LTA: variants seen among roughly 807,000 people sequenced by gnomAD.
LTA encodes lymphotoxin alpha.
In LTA, 6 loss-of-function variants were observed where a neutral mutation model predicts 15.1. The ratio of observed to expected loss-of-function variants is 0.40; its 90% CI spans 0.22 to 0.78. The LOEUF (loss-of-function observed/expected upper bound fraction) is 0.78. Among genes scored for constraint, LTA ranks in the 30% least tolerant of loss-of-function variants. The pLI, the probability that LTA is intolerant of heterozygous loss-of-function variation, is 0.38. For missense variants in LTA, 173 were observed against 249.5 expected (o/e 0.69, Z 2.06); for synonymous variants, 87 against 107.3 (o/e 0.81, Z 1.17).
chr6:31,564,846 C>T, the LTA span, among the ~76,000 whole-genome samples: 5 of 151,790 alleles, frequency 3.3e-5, no homozygotes, highest in Admixed American at 6.6e-5. Context: ...CCCAGGAGGT[C>T]GAGGCTGCAG....
chr6:31,562,068 G>A, the LTA span, among the ~76,000 whole-genome samples: 1 of 151,016 alleles, frequency 6.6e-6, no homozygotes, highest in Non-Finnish European at 1.5e-5. Flanking sequence ...CAAAGGAAGA[G>A]AACCAATAAA....
At chr6:31,565,468 C>A in the LTA span, among the ~76,000 whole-genome samples, 4 of 152,052 alleles carry the variant, frequency 2.6e-5, no homozygotes, top group Non-Finnish European at 5.9e-5. Flanking sequence ...AAACAAGTGC[C>A]TCAAAGGGGT....
chr6:31,572,716 C>G lies in LTA; in HGVS notation c.-9-18C>G. On this transcript the variant is annotated intron_variant, in intron 1 of 3. Transcript: ENST00000418386. Reference sequence around the variant, plus strand: ...CGCCCCGCTCACTGTCTCTCTCTCTCTCTCTCTTTCTCTGCAGGTTCTCCC... The same window carrying G: ...CGCCCCGCTCACTGTCTCTCTCTCTGTCTCTCTTTCTCTGCAGGTTCTCCC... The G allele has an allele frequency of 6.4e-7, 1 of 1,565,044 alleles. No individual in the cohort carries two copies.
Position 31,572,797 on chromosome 6 carries a change from C to A in LTA, c.55C>A (p.Leu19Ile), listed in dbSNP as rs763790322. Residue 19 changes from leucine (L) to isoleucine (I), a missense_variant, in exon 2 of 4, where the codon CTC becomes ATC. Leu to Ile is a conservative substitution (Grantham distance 5). Coordinates refer to ENST00000418386, the MANE Select transcript of LTA (RefSeq NM_000595.4). The stretch of plus-strand genomic sequence containing the variant: ...AAGGGTGTGTGGCACCACCCTACAC[C>A]TCCTCCTTCTGGGGCTGCTGCTGGT... ...LPRVCGTTLH[L>I]LLLGLLLVLL... 1.2e-6 allele frequency: 2 copies of A among 1,611,492 alleles called. No individual in the cohort carries two copies. The highest frequency in any genetic ancestry group is 8.5e-7 in the Non-Finnish European group (1 of 1,179,910).
In LTA at chr6:31,573,645, C is replaced by T; in HGVS notation, c.570C>T (p.His190=). Residue 190 remains histidine, a synonymous_variant, in exon 4 of 4, where the codon CAC becomes CAT. Coordinates refer to ENST00000418386, the MANE Select transcript of LTA (RefSeq NM_000595.4). ...CCACCCACACAGATGGCATCCCCCA[C>T]CTAGTCCTCAGCCCTAGTACTGTCT... is the stretch of plus-strand genomic sequence containing the variant. ...QLSTHTDGIP[H]LVLSPSTVFF... is the part of the protein sequence containing the mutation. The T allele has an allele frequency of 6.2e-7, 1 of 1,613,814 alleles. No individual in the cohort carries two copies. The highest frequency in any genetic ancestry group is 8.5e-7 in the Non-Finnish European group (1 of 1,179,802).
At chr6:31,571,110 G>A (rs111602778), upstream of LTA, among the ~76,000 whole-genome samples, 466 of 150,568 alleles carry the variant, frequency 3.1e-3, 1 homozygote, top group African/African-American at 9.6e-3. Context: ...CCCCAGGCTG[G>A]AATACAGTGG....
chr6:31,567,604 T>TCTC (rs9281525), upstream of LTA, among the ~76,000 whole-genome samples: 4,455 of 103,390 alleles, frequency 0.043, 148 homozygotes, highest in Middle Eastern at 0.1. Context: ...ACCTCCCTCT[T>TCTC]TCTCTCTCTC....
At position 31,572,772 on chromosome 6, in the gene LTA, A is replaced by G. The variant is rs747112690; in HGVS notation, c.30A>G (p.Pro10=). The part of the protein sequence containing the change: MTPPERLFL[P]RVCGTTLHLL... Reference sequence around the variant, plus strand: ...CACCACCTGAACGTCTCTTCCTCCCAAGGGTGTGTGGCACCACCCTACACC... The same window carrying G: ...CACCACCTGAACGTCTCTTCCTCCCGAGGGTGTGTGGCACCACCCTACACC... The change falls in exon 2 of 4, where the codon CCA becomes CCG. Residue 10 remains proline (P), a synonymous_variant. Coordinates refer to ENST00000418386, the MANE Select transcript of LTA (RefSeq NM_000595.4). 10 of 1,606,586 alleles carry G rather than the reference A, an allele frequency of 6.2e-6. No homozygotes were observed. The African/African-American group carries it at 9.5e-5, about 15-fold the overall frequency.
At chr6:31,573,209 A>C in intron 3 of LTA, 72 bp from the exon 4 acceptor site, 3 of 1,466,276 alleles carry the variant, frequency 2.0e-6, no homozygotes, top group Non-Finnish European at 2.8e-6. Context: ...TTCAGTGCCC[A>C]CTTCCTCAGG....
rs4647194 is a variant in LTA at position 31,572,728 on chromosome 6, C to G, written c.-9-6C>G. ...TGTCTCTCTCTCTCTCTCTCTTTCTCTGCAGGTTCTCCCCATGACACCACC... is the reference window on the plus strand; with the variant it reads ...TGTCTCTCTCTCTCTCTCTCTTTCTGTGCAGGTTCTCCCCATGACACCACC... On this transcript the variant is annotated splice_polypyrimidine_tract_variant and splice_region_variant and intron_variant, in intron 1 of 3. Transcript: ENST00000418386. The G allele has an allele frequency of 5.0e-6, 8 of 1,588,674 alleles. No individual in the cohort carries two copies. In the Admixed American group the frequency reaches 1.3e-4, roughly 27 times the overall value.
chr6:31,561,691 CA>C, the LTA span, among the ~76,000 whole-genome samples: 8,719 of 132,906 alleles, frequency 0.066, 297 homozygotes, highest in Middle Eastern at 0.12. Flanking sequence ...ACTCTGTATC[CA>C]AAAAAAAAAA....
chr6:31,561,870 A>G, the LTA span, among the ~76,000 whole-genome samples: 9 of 152,034 alleles, frequency 5.9e-5, no homozygotes, highest in Non-Finnish European at 4.4e-5. Context: ...AAAGTGCTCA[A>G]TGAAGGTTTG....
upstream of LTA, among the ~76,000 whole-genome samples, chr6:31,569,905 T>C (rs915903463): frequency 6.6e-6 from 1 of 152,154 alleles, no homozygotes; most frequent in African/African-American, 2.4e-5. Flanking sequence ...GAAGGAATGC[T>C]GTACAGAGAG....
rs572452818 is a variant in LTA, at chr6:31,574,293, G to A, written c.*600G>A. 49 of 176,360 alleles carry A rather than the reference G, an allele frequency of 2.8e-4. No homozygotes were observed. Among genetic ancestry groups the A allele is most frequent in the Admixed American group, 7.8e-4 (14 of 17,944 alleles). 10.9% of individuals were successfully genotyped at this position (176,360 alleles called of 1,614,324 possible). On this transcript the variant is annotated 3_prime_UTR_variant, in exon 4 of 4. Coordinates refer to ENST00000418386, the MANE Select transcript of LTA (RefSeq NM_000595.4). ...CCCACACGGAGGCATCTGCACCCTC[G>A]ATGAAGCCCAATAAACCTCTTTTCT...
chr6:31,562,729 G>A, the LTA span, among the ~76,000 whole-genome samples: 2 of 152,188 alleles, frequency 1.3e-5, no homozygotes, highest in Non-Finnish European at 2.9e-5. Context: ...GCCAGGCGTG[G>A]TGGCACATGC....
chr6:31,564,953 T>C, the LTA span, among the ~76,000 whole-genome samples: 1 of 152,026 alleles, frequency 6.6e-6, no homozygotes, highest in East Asian at 1.9e-4. Context: ...GGATAAGATG[T>C]GGAGAAAGAC....
upstream of LTA, among the ~76,000 whole-genome samples, chr6:31,570,062 C>T (rs1770753170): frequency 6.6e-6 from 1 of 152,144 alleles, no homozygotes; most frequent in South Asian, 2.1e-4. Flanking sequence ...TCCCCTGGGT[C>T]CTTGGGTCTT....
At chr6:31,563,662 C>T in the LTA span, among the ~76,000 whole-genome samples, 7 of 152,190 alleles carry the variant, frequency 4.6e-5, no homozygotes, top group Admixed American at 1.3e-4. Flanking sequence ...GGCTGGAGTG[C>T]AATGGCTCAA....
intron 1 of LTA, 24 bp from the exon 2 acceptor site, chr6:31,572,710 C>G: frequency 2.1e-4 from 309 of 1,483,152 alleles, no homozygotes; most frequent in Non-Finnish European, 2.6e-4. Flanking sequence ...CACTGTCTCT[C>G]TCTCTCTCTC....
Sources: allele counts gnomAD v4.1 joint callset (sites outside exome capture counted in the v4.1 genomes callset), GRCh38; gene constraint gnomAD v4.1.1; transcripts MANE v1.5; gene names NCBI Gene and HGNC (gene_info 2026-07-23, HGNC 2026-07-21).